Variants in COMP observed in about 807,000 individuals in gnomAD.
COMP encodes cartilage oligomeric matrix protein (pseudoachondroplasia, epiphyseal dysplasia 1, multiple).
A neutral mutation model predicts 95.8 loss-of-function variants in COMP; 79 were observed. The ratio of observed to expected loss-of-function variants is 0.82; its 90% CI spans 0.69 to 0.99. COMP has a LOEUF of 0.99. Ranked by LOEUF, COMP falls within the 50% of genes least tolerant of loss-of-function variation. COMP has a pLI of 0.00. For synonymous variants in COMP, 438 were observed against 433.9 expected, an observed-to-expected ratio of 1.01 and a Z score of -0.12; for missense variants, 906 against 1,076.1, an observed-to-expected ratio of 0.84 and a Z score of 2.21.
chr19:18,783,094 C>T lies in COMP; in HGVS notation c.2187G>A (p.Gln729=), dbSNP rs1210238659. 8.1e-6 allele frequency: 13 copies of T among 1,612,038 alleles called. No homozygotes were observed. The East Asian group carries it at 1.3e-4, about 17-fold the overall frequency. ...GCAGGTTGGCCCAGATGATGTTCTCCTGGGAGAAGCAGAAGACCCCCAGGC... is the reference window on the plus strand; with the variant it reads ...GCAGGTTGGCCCAGATGATGTTCTCTTGGGAGAAGCAGAAGACCCCCAGGC... ...GGRLGVFCFS[Q]ENIIWANLRY... Residue 729 remains glutamine, a synonymous_variant, in exon 18 of 19, where the codon CAG becomes CAA. Coordinates refer to ENST00000222271, the MANE Select transcript of COMP (RefSeq NM_000095.3).
intron 11 of COMP, 28 bp downstream of exon 11, chr19:18,786,504 A>C (rs2055168263): frequency 6.3e-7 from 1 of 1,593,786 alleles, no homozygotes; most frequent in African/African-American, 1.3e-5. Context: ...CAGAGGGCTT[A>C]CCCAGCTGGA....
chr19:18,787,079 C>T (rs959083620), intron 10 of COMP: 7 of 363,922 alleles, frequency 1.9e-5, no homozygotes, highest in Admixed American at 4.4e-5. Flanking sequence ...CCCACAGGAA[C>T]TTTAAGAATG....
Position 18,788,777 on chromosome 19 carries a change from G to T in COMP, c.604-27C>A, listed in dbSNP as rs1482869288. On this transcript the variant is annotated intron_variant, in intron 6 of 18. Coordinates refer to ENST00000222271, the MANE Select transcript of COMP (RefSeq NM_000095.3). This position sits in a 1 kb window ranked among gnomAD's most constrained non-coding sequence, Gnocchi z 4.7. ...TGCGCCGGAGCCGCCGGAGGTCAGC[G>T]CAGGCCGCCCGCCGCTCGCCCCACC... 1.0e-5 allele frequency: 16 copies of T among 1,601,670 alleles called. No individual in the cohort carries two copies. The highest frequency in any genetic ancestry group is 1.4e-5 in the Non-Finnish European group (16 of 1,174,610).
chr19:18,783,401 A>G (rs554093856), intron 17 of COMP, among the ~76,000 whole-genome samples: 1 of 152,300 alleles, frequency 6.6e-6, no homozygotes, highest in Non-Finnish European at 1.5e-5. Context: ...TGGGCTTGCT[A>G]GCAGCATGGA....
In COMP at chr19:18,785,172, C is replaced by G. The variant is rs375401510; in HGVS notation, c.1718-80G>C. 2.9e-5 allele frequency: 39 copies of G among 1,351,906 alleles called. No homozygotes were observed. The African/African-American group carries it at 4.7e-4, about 16-fold the overall frequency. The allele number at this position is 1,351,906 out of a possible 1,614,324, so 83.7% of individuals were successfully genotyped here. A position where few individuals can be genotyped will look rare whatever the true frequency, so the allele number is the denominator to read the frequency against. ...ACCTGGCACCCAGAACCCAAACCTGCCCCCTGGGTCCCGATCTGCCTGCAG... is the reference window on the plus strand; with the variant it reads ...ACCTGGCACCCAGAACCCAAACCTGGCCCCTGGGTCCCGATCTGCCTGCAG... On this transcript the variant is annotated intron_variant, in intron 15 of 18. Transcript: ENST00000222271.
Position 18,791,300 on chromosome 19 carries a change from C to T in COMP, c.-31G>A, listed in dbSNP as rs944823208. The T allele has an allele frequency of 5.1e-6, 8 of 1,568,610 alleles. No homozygotes were observed. Among genetic ancestry groups the T allele is most frequent in the Non-Finnish European group, 6.9e-6 (8 of 1,159,882 alleles). ...TGGCGGGGAGCTGGGTGGCTGCTCG[C>T]TTTCTACCGCCCACGAGGCCCGCGG... On this transcript the variant is annotated 5_prime_UTR_variant, in exon 1 of 19. Coordinates refer to ENST00000222271, the MANE Select transcript of COMP (RefSeq NM_000095.3).
chr19:18,783,438 T>C (rs973525176), intron 17 of COMP, among the ~76,000 whole-genome samples: 1 of 152,156 alleles, frequency 6.6e-6, no homozygotes, highest in Non-Finnish European at 1.5e-5. Flanking sequence ...AGGGACTGGG[T>C]GAGGCCCCAT....
At chr19:18,787,447 G>GT (rs2055175199) in intron 10 of COMP, 44 bp downstream of exon 10, 2 of 1,603,744 alleles carry the variant, frequency 1.2e-6, no homozygotes, top group Admixed American at 3.3e-5. Flanking sequence ...CCGCCCTTCG[G>GT]TGCCCGCCGC....
chr19:18,785,898 A>G, intron 13 of COMP, 47 bp from the exon 14 acceptor site: 1 of 1,604,814 alleles, frequency 6.2e-7, no homozygotes, highest in Non-Finnish European at 8.5e-7. Flanking sequence ...GGGCCCGCCC[A>G]CCGTAGACCC....
chr19:18,789,263 C>T lies in COMP; in HGVS notation c.425G>A (p.Cys142Tyr). 6.6e-7 allele frequency: 1 copy of T among 1,512,216 alleles called. No individual in the cohort carries two copies. Among genetic ancestry groups the T allele is most frequent in the Non-Finnish European group, 8.8e-7 (1 of 1,134,988 alleles). The allele number at this position is 1,512,216 out of a possible 1,614,324, so 93.7% of individuals were successfully genotyped here. ...NAHPCFPRVR[C>Y]INTSPGFRCE... ...GCGGAACCCCGGGCTGGTGTTGATACAGCGGACTCGGGGGAAGCAGGGGTG... is the reference window on the plus strand; with the variant it reads ...GCGGAACCCCGGGCTGGTGTTGATATAGCGGACTCGGGGGAAGCAGGGGTG... The change falls in exon 5 of 19, where the codon TGT becomes TAT. Residue 142 changes from cysteine (C) to tyrosine (Y), a missense_variant. Coordinates refer to ENST00000222271, the MANE Select transcript of COMP (RefSeq NM_000095.3). The surrounding 1 kb of genome is among the most constrained non-coding windows in gnomAD (Gnocchi z 6.1).
Position 18,788,795 on chromosome 19 carries a change from GCCCCA to G in COMP, c.603+39_603+43del. On this transcript the variant is annotated intron_variant, in intron 6 of 18. Coordinates refer to ENST00000222271, the MANE Select transcript of COMP (RefSeq NM_000095.3). This position sits in a 1 kb window ranked among gnomAD's most constrained non-coding sequence, Gnocchi z 4.7. ...GGTCAGCGCAGGCCGCCCGCCGCTCGCCCCACCTCCCGCGATCCTTTCTTCCTCCC... is the reference window on the plus strand; with the variant it reads ...GGTCAGCGCAGGCCGCCCGCCGCTCGCCTCCCGCGATCCTTTCTTCCTCCC... 6.2e-7 allele frequency: 1 copy of G among 1,609,346 alleles called. No homozygotes were observed. The highest frequency in any genetic ancestry group is 8.5e-7 in the Non-Finnish European group (1 of 1,178,258).
In COMP at chr19:18,789,220, C is replaced by G. The variant is rs202241721; in HGVS notation, c.468G>C (p.Pro156=). 6.5e-7 allele frequency: 1 copy of G among 1,537,220 alleles called. No individual in the cohort carries two copies. The highest frequency in any genetic ancestry group is 1.3e-5 in the South Asian group (1 of 76,928). ...SPGFRCEACP[P]GYSGPTHQGV... ...CCTGGTGGGTGGGGCCGCTGTACCC[C>G]GGCGGGCAAGCCTCGCAGCGGAACC... The change falls in exon 5 of 19, where the codon CCG becomes CCC. Residue 156 remains proline, a synonymous_variant. Coordinates refer to ENST00000222271, the MANE Select transcript of COMP (RefSeq NM_000095.3). This position sits in a 1 kb window ranked among gnomAD's most constrained non-coding sequence, Gnocchi z 6.1.
At position 18,788,691 on chromosome 19, in the gene COMP, G is replaced by A. The variant is rs1201640178; in HGVS notation, c.663C>T (p.Cys221=). The change falls in exon 7 of 19, where the codon TGC becomes TGT. Residue 221 remains cysteine (C), a synonymous_variant. Coordinates refer to ENST00000222271, the MANE Select transcript of COMP (RefSeq NM_000095.3). The surrounding 1 kb of genome is among the most constrained non-coding windows in gnomAD (Gnocchi z 4.7). ...PGFVGDQASG[C]QRRAQRFCPD... ...GGCAGAAGCGCTGTGCGCGCCGCTG[G>A]CAGCCGGACGCCTGGTCGCCCACGA... 6.5e-7 allele frequency: 1 copy of A among 1,541,262 alleles called. No homozygotes were observed. The highest frequency in any genetic ancestry group is 8.7e-7 in the Non-Finnish European group (1 of 1,144,870).
At position 18,782,894 on chromosome 19, in the gene COMP, G is replaced by A. The variant is rs746945906; in HGVS notation, c.*21C>T. 21 of 1,609,638 alleles carry A rather than the reference G, an allele frequency of 1.3e-5. No homozygotes were observed. Among genetic ancestry groups the A allele is most frequent in the East Asian group, 6.7e-5 (3 of 44,892 alleles). On this transcript the variant is annotated 3_prime_UTR_variant, in exon 19 of 19. Transcript: ENST00000222271. ...GCCGCGGTGAGGGTGGCTGTCATCC[G>A]GCGGGTCCTCACCCTGGTCCCTAGG... is the stretch of plus-strand genomic sequence containing the variant.
chr19:18,786,609 AG>A lies in COMP; in HGVS notation c.1176del (p.Ser393GlnfsTer11), dbSNP rs1285861836. ...NQADNCPRVP[N>X]SDQKDSDGDG... The stretch of plus-strand genomic sequence containing the variant: ...TCGCCATCACTGTCCTTCTGGTCTG[AG>A]TTGGGTACCCTAGGGCAGTTGTCGG... On this transcript the variant is annotated frameshift_variant, in exon 11 of 19. Transcript: ENST00000222271. LOFTEE classifies it high-confidence loss of function. The A allele has an allele frequency of 6.2e-7, 1 of 1,614,024 alleles. No individual in the cohort carries two copies. Among genetic ancestry groups the A allele is most frequent in the Non-Finnish European group, 8.5e-7 (1 of 1,180,000 alleles).
chr19:18,788,618 C>G lies in COMP; in HGVS notation c.736G>C (p.Glu246Gln), dbSNP rs1313584365. The change falls in exon 7 of 19, where the codon GAG (glutamate) becomes CAG (glutamine). Residue 246 changes from glutamate (E) to glutamine (Q), a missense_variant. Glu to Gln is a conservative substitution (Grantham distance 29). Coordinates refer to ENST00000222271, the MANE Select transcript of COMP (RefSeq NM_000095.3). The surrounding 1 kb of genome is among the most constrained non-coding windows in gnomAD (Gnocchi z 4.7). ...ECHEHADCVL[E>Q]RDGSRSCVCA... is the part of the protein sequence containing the mutation. ...ACGCACGACCGCGAGCCATCGCGCT[C>G]TAGGACGCAGTCTGCATGCTCGTGG... 3 of 1,549,834 alleles carry G rather than the reference C, an allele frequency of 1.9e-6. No individual in the cohort carries two copies. The African/African-American group carries it at 4.1e-5, about 21-fold the overall frequency.
chr19:18,783,389 C>A (rs186643779), intron 17 of COMP, among the ~76,000 whole-genome samples, 196 bp from the exon 18 acceptor site: 1 of 152,168 alleles, frequency 6.6e-6, no homozygotes, highest in Non-Finnish European at 1.5e-5. Context: ...AAACAGAGCA[C>A]CTGGGCTTGC....
rs531328126 is a variant in COMP, at chr19:18,789,767, G to A, written c.390+175C>T. Among the ~76,000 whole-genome samples the A allele has an allele frequency of 2.6e-5, 4 of 152,144 alleles. No homozygotes were observed. Among genetic ancestry groups the A allele is most frequent in the South Asian group, 2.1e-4 (1 of 4,816 alleles). ...GGCGTCCCGGGTGGTGACGGGGATGGTCCTTGGGTTGGGCGTCCCCCCGCG... is the reference window on the plus strand; with the variant it reads ...GGCGTCCCGGGTGGTGACGGGGATGATCCTTGGGTTGGGCGTCCCCCCGCG... On this transcript the variant is annotated intron_variant, in intron 4 of 18. Transcript: ENST00000222271. The surrounding 1 kb of genome is among the most constrained non-coding windows in gnomAD (Gnocchi z 6.1).
Position 18,785,010 on chromosome 19 carries a change from G to A in COMP, c.1800C>T (p.Ile600=), listed in dbSNP as rs759000614. 6.2e-7 allele frequency: 1 copy of A among 1,614,138 alleles called. No homozygotes were observed. The highest frequency in any genetic ancestry group is 1.1e-5 in the South Asian group (1 of 91,088). ...TVTDDDYAGF[I]FGYQDSSSFY... ...AGCTGGAGCTGTCCTGGTAGCCAAAGATGAAGCCCGCATAGTCGTCATCCG... is the reference window on the plus strand; with the variant it reads ...AGCTGGAGCTGTCCTGGTAGCCAAAAATGAAGCCCGCATAGTCGTCATCCG... The change falls in exon 16 of 19, where the codon ATC becomes ATT. Residue 600 remains isoleucine (I), a synonymous_variant. Transcript: ENST00000222271.
Sources: allele counts gnomAD v4.1 joint callset (sites outside exome capture counted in the v4.1 genomes callset), GRCh38; gene constraint gnomAD v4.1.1; non-coding constraint Gnocchi (gnomAD v3.1); transcripts MANE v1.5; gene names NCBI Gene and HGNC (gene_info 2026-07-23, HGNC 2026-07-21).